CEP135: variants seen among roughly 807,000 people sequenced by gnomAD.
CEP135 encodes the protein centrosomal protein 135.
CEP135 carries 142 observed loss-of-function variants against 157.3 expected under a neutral mutation model. The ratio of observed to expected loss-of-function variants is 0.90; its 90% confidence interval spans 0.79 to 1.04. CEP135 has a LOEUF of 1.04. Ranked by LOEUF, CEP135 falls within the 50% of genes least tolerant of loss-of-function variation. The pLI, the probability that CEP135 is intolerant of heterozygous loss-of-function variation, is 0.00. For synonymous variants in CEP135, 396 were observed against 439.8 expected (o/e 0.90, Z 1.25); for missense variants, 1,317 against 1,309.2 (o/e 1.01, Z -0.09).
rs776913669 is a variant in CEP135 at position 56,011,493 on chromosome 4, T to A, written c.2587T>A (p.Ser863Thr). 6.2e-7 allele frequency: 1 copy of A among 1,610,322 alleles called. No individual in the cohort carries two copies. Among genetic ancestry groups the A allele is most frequent in the South Asian group, 1.1e-5 (1 of 90,024 alleles). ...SRVHKYITEV[S>T]RWESLMAAKE... ...AGTTCATAAATACATAACAGAGGTG[T>A]CACGATGGGAGAGCTTAATGGCTGC... The change falls in exon 20 of 26, where the codon TCA becomes ACA. Residue 863 changes from serine (S) to threonine (T), a missense_variant. Coordinates refer to ENST00000257287, the MANE Select transcript of CEP135 (RefSeq NM_025009.5).
intron 14 of CEP135, among the ~76,000 whole-genome samples, chr4:55,986,738 G>T (rs1202928195): frequency 1.3e-5 from 2 of 152,070 alleles, no homozygotes; most frequent in Non-Finnish European, 2.9e-5. Flanking sequence ...GAGATTTGGG[G>T]TACAATTGAT....
chr4:55,956,802 G>A (rs1252616250), intron 4 of CEP135, among the ~76,000 whole-genome samples: 14 of 152,192 alleles, frequency 9.2e-5, no homozygotes, highest in South Asian at 8.3e-4. Flanking sequence ...TAGTAGAGAC[G>A]GGGTTTCACC....
In CEP135 at chr4:56,011,942, A is replaced by G. The variant is rs1415526381; in HGVS notation, c.2759A>G (p.His920Arg). ...CTTTCTATTGACACTGAGAGGAGAC[A>G]TCTTCGAGAAAGAGTGGAGCTATTA... is the stretch of plus-strand genomic sequence containing the variant. ...ELLSIDTERR[H>R]LRERVELLEK... is the part of the protein sequence containing the mutation. The change falls in exon 21 of 26, where the codon CAT (histidine) becomes CGT (arginine). Residue 920 changes from histidine (H) to arginine (R), a missense_variant. Coordinates refer to ENST00000257287, the MANE Select transcript of CEP135 (RefSeq NM_025009.5). The G allele has an allele frequency of 1.3e-6, 2 of 1,581,504 alleles. No individual in the cohort carries two copies. Among genetic ancestry groups the G allele is most frequent in the Non-Finnish European group, 1.7e-6 (2 of 1,166,434 alleles).
At chr4:56,012,853 G>A (rs1410088691) in intron 21 of CEP135, among the ~76,000 whole-genome samples, 1 of 152,200 alleles carries the variant, frequency 6.6e-6, no homozygotes, top group African/African-American at 2.4e-5. Context: ...CTATGAACAT[G>A]AGTATACAAA....
In CEP135 at chr4:56,017,595, T is replaced by G. The variant is rs1195296933; in HGVS notation, c.2803-53T>G. 41 of 1,451,852 alleles carry G rather than the reference T, an allele frequency of 2.8e-5. No homozygotes were observed. In the East Asian group the frequency reaches 9.4e-4, roughly 33 times the overall value. The allele number at this position is 1,451,852 out of a possible 1,614,324, so 89.9% of individuals were successfully genotyped here. On this transcript the variant is annotated intron_variant, in intron 21 of 25. Transcript: ENST00000257287. ...TTGTTGGCTGTACAAATTCAAGTTCTTAAAATTATTGGGTTATTTTAACTT... is the reference window on the plus strand; with the variant it reads ...TTGTTGGCTGTACAAATTCAAGTTCGTAAAATTATTGGGTTATTTTAACTT...
intron 14 of CEP135, among the ~76,000 whole-genome samples, chr4:55,989,801 T>C (rs924314254): frequency 6.6e-6 from 1 of 152,228 alleles, no homozygotes; most frequent in African/African-American, 2.4e-5. Context: ...TTGTAACATA[T>C]ATTAGCAAAT....
At position 55,953,083 on chromosome 4, in the gene CEP135, A is replaced by C. The variant is rs1192968114; in HGVS notation, c.114-2A>C. 6.4e-7 allele frequency: 1 copy of C among 1,551,356 alleles called. No individual in the cohort carries two copies. Among genetic ancestry groups the C allele is most frequent in the Non-Finnish European group, 8.6e-7 (1 of 1,156,584 alleles). The stretch of plus-strand genomic sequence containing the variant: ...TGGTATTTAAATTTTCTGTTCTTTT[A>C]GCGACTTAGTTCATACAACTGAGAG... On this transcript the variant is annotated splice_acceptor_variant, in intron 2 of 25. Transcript: ENST00000257287. LOFTEE classifies it high-confidence loss of function.
In CEP135 at chr4:56,014,690, G is replaced by A. The variant is rs904927805; in HGVS notation, c.2802+2705G>A. Among the ~76,000 whole-genome samples, 4 of 152,088 alleles carry A rather than the reference G, an allele frequency of 2.6e-5. No individual in the cohort carries two copies. In the South Asian group the frequency reaches 6.2e-4, roughly 24 times the overall value. ...CCTTGTTACTTACAGTAAAATATGA[G>A]AGGAAAGAGAGAAATGGAGCAAGGA... On this transcript the variant is annotated intron_variant, in intron 21 of 25. Transcript: ENST00000257287.
Position 55,965,553 on chromosome 4 carries a change from A to G in CEP135, c.829-91A>G, listed in dbSNP as rs970573858. ...GTAGTTTTAATCTTCAATAATTTTT[A>G]AAATATAGTTTTTTGAAGTATTATT... On this transcript the variant is annotated intron_variant, in intron 7 of 25. Coordinates refer to ENST00000257287, the MANE Select transcript of CEP135 (RefSeq NM_025009.5). 4.8e-6 allele frequency: 4 copies of G among 827,960 alleles called. No homozygotes were observed. The African/African-American group carries it at 7.0e-5, about 14-fold the overall frequency. 51.3% of individuals were successfully genotyped at this position (827,960 alleles called of 1,614,324 possible).
At chr4:55,971,553 T>C (rs1729028764) in intron 10 of CEP135, 145 bp downstream of exon 10, 1 of 766,294 alleles carries the variant, frequency 1.3e-6, no homozygotes, top group African/African-American at 1.8e-5. Context: ...GTAGTTACTG[T>C]AGATACAGTA....
intron 25 of CEP135, among the ~76,000 whole-genome samples, chr4:56,027,117 T>G (rs1577919355): frequency 6.6e-6 from 1 of 152,224 alleles, no homozygotes; most frequent in African/African-American, 2.4e-5. Flanking sequence ...TGAGGACCAC[T>G]TCTCAGTGTT....
chr4:56,012,794 A>G (rs1180988028), intron 21 of CEP135, among the ~76,000 whole-genome samples: 1 of 152,198 alleles, frequency 6.6e-6, no homozygotes, highest in Non-Finnish European at 1.5e-5. Flanking sequence ...TTCCTCTGTC[A>G]ATGGACATTT....
At position 56,019,551 on chromosome 4, in the gene CEP135, A is replaced by T. The variant is rs200676378; in HGVS notation, c.3211A>T (p.Lys1071Ter). ...LKEKLTLSES[K>*]LTSQSRENTM... Reference sequence around the variant, plus strand: ...GGAGAAGTTAACCCTTTCTGAAAGCAAATTGTAAGTGTCTTAAGTCAACTT... The same window carrying T: ...GGAGAAGTTAACCCTTTCTGAAAGCTAATTGTAAGTGTCTTAAGTCAACTT... Residue 1071 changes from lysine to a stop codon, truncating the protein, a stop_gained, in exon 23 of 26, where the codon AAA becomes TAA. Transcript: ENST00000257287. LOFTEE classifies it high-confidence loss of function. 6.7e-5 allele frequency: 107 copies of T among 1,607,282 alleles called. No homozygotes were observed. Among genetic ancestry groups the T allele is most frequent in the Non-Finnish European group, 8.7e-5 (103 of 1,177,834 alleles).
At chr4:55,975,125 C>A (rs527297335) in intron 11 of CEP135, among the ~76,000 whole-genome samples, 156 bp downstream of exon 11, 1 of 152,154 alleles carries the variant, frequency 6.6e-6, no homozygotes, top group Non-Finnish European at 1.5e-5. Flanking sequence ...AGGAACACTA[C>A]ATTAATTAGG....
intron 13 of CEP135, among the ~76,000 whole-genome samples, chr4:55,984,839 C>T (rs1729523321): frequency 6.6e-6 from 1 of 152,168 alleles, no homozygotes; most frequent in Non-Finnish European, 1.5e-5. Flanking sequence ...TTGAAACTCG[C>T]ATCTCTTGCA....
intron 6 of CEP135, among the ~76,000 whole-genome samples, chr4:55,963,607 G>A (rs924679514): frequency 6.6e-6 from 1 of 152,132 alleles, no homozygotes; most frequent in Non-Finnish European, 1.5e-5. Flanking sequence ...TTAGCCAGGC[G>A]TGGTGGCACA....
intron 25 of CEP135, among the ~76,000 whole-genome samples, chr4:56,024,998 G>A (rs1731107439): frequency 6.6e-6 from 1 of 152,014 alleles, no homozygotes; most frequent in Admixed American, 6.6e-5. Flanking sequence ...AATTAGCCAG[G>A]CATGGTGGCA....
At chr4:56,010,460 C>T (rs1730543469) in intron 19 of CEP135, among the ~76,000 whole-genome samples, 1 of 151,134 alleles carries the variant, frequency 6.6e-6, no homozygotes, top group African/African-American at 2.4e-5. Context: ...CTAATGGGTG[C>T]AACTGGTCTT....
At chr4:56,003,227 G>A (rs1250353558) in intron 17 of CEP135, among the ~76,000 whole-genome samples, 3 of 151,272 alleles carry the variant, frequency 2.0e-5, no homozygotes, top group Non-Finnish European at 4.4e-5. Context: ...TCGCTTTGTC[G>A]CTCAGGGTGG....
Sources: allele counts gnomAD v4.1 joint callset (sites outside exome capture counted in the v4.1 genomes callset), GRCh38; gene constraint gnomAD v4.1.1; transcripts MANE v1.5; gene names NCBI Gene and HGNC (gene_info 2026-07-23, HGNC 2026-07-21).